MICU1: variants seen among roughly 807,000 people sequenced by gnomAD.
MICU1 encodes the protein calcium uptake protein 1, mitochondrial.
MICU1 carries 45 observed loss-of-function variants against 56.8 expected under a neutral mutation model. The observed-to-expected ratio is 0.79, with a 90% CI of 0.62 to 1.02. The LOEUF (loss-of-function observed/expected upper bound fraction) is 1.02. Ranked by LOEUF, MICU1 falls within the 50% of genes least tolerant of loss-of-function variation. The pLI is 0.00. For synonymous variants in MICU1, 186 were observed against 195.1 expected (o/e 0.95, Z 0.39); for missense variants, 504 against 587.1 (o/e 0.86, Z 1.46).
intron 1 of MICU1, among the ~76,000 whole-genome samples, chr10:72,598,163 G>A (rs1404950515): frequency 6.6e-6 from 1 of 152,096 alleles, no homozygotes; most frequent in African/African-American, 2.4e-5. Context: ...CCTATTTTGT[G>A]TAGAGAATAG....
At chr10:72,429,318 G>C (rs965466042) in intron 8 of MICU1, among the ~76,000 whole-genome samples, 1 of 151,328 alleles carries the variant, frequency 6.6e-6, no homozygotes, top group African/African-American at 2.4e-5. Flanking sequence ...TACTTGGGAG[G>C]CTGAGGCAAG....
Position 72,536,571 on chromosome 10 carries a change from T to G in MICU1, c.494-2782A>C, listed in dbSNP as rs1375316139. Among the ~76,000 whole-genome samples, 3 of 152,160 alleles carry G rather than the reference T, an allele frequency of 2.0e-5. No individual in the cohort carries two copies. In the East Asian group the frequency reaches 5.8e-4, roughly 29 times the overall value. On this transcript the variant is annotated intron_variant, in intron 4 of 11. Transcript: ENST00000361114. Reference sequence around the variant, plus strand: ...TTTCACCGTGTTAGTCAGGATGGTCTTGATCTCCTGACCTCATGATCCGCC... The same window carrying G: ...TTTCACCGTGTTAGTCAGGATGGTCGTGATCTCCTGACCTCATGATCCGCC...
At chr10:72,375,315 G>C (rs1017029073) in intron 11 of MICU1, among the ~76,000 whole-genome samples, 1 of 152,090 alleles carries the variant, frequency 6.6e-6, no homozygotes, top group Non-Finnish European at 1.5e-5. Context: ...CTCTTGAATG[G>C]GCTAAATGAC....
intron 1 of MICU1, among the ~76,000 whole-genome samples, chr10:72,599,618 C>T (rs142184499): frequency 0.017 from 2,594 of 152,248 alleles, 77 homozygotes; most frequent in African/African-American, 0.06. Context: ...GCTAGCAATT[C>T]AGATTTGTTA....
chr10:72,549,191 GTTTTTTT>G lies in MICU1; in HGVS notation c.493+1981_493+1987del, dbSNP rs869232997. Among the ~76,000 whole-genome samples, 7 of 131,544 alleles carry G rather than the reference GTTTTTTT, an allele frequency of 5.3e-5. No homozygotes were observed. The South Asian group carries it at 1.5e-3, about 27-fold the overall frequency. 86.3% of individuals were successfully genotyped at this position (131,544 alleles called of 152,430 possible). On this transcript the variant is annotated intron_variant, in intron 4 of 11. Coordinates refer to ENST00000361114, the MANE Select transcript of MICU1 (RefSeq NM_001195518.2). ...TTGTTTCATGTGTCTGTTTTTTTTGGTTTTTTTTTTTTTTTTTGAAACAGGGTCTGGC... is the reference window on the plus strand; with the variant it reads ...TTGTTTCATGTGTCTGTTTTTTTTGGTTTTTTTTTTGAAACAGGGTCTGGC...
At chr10:72,470,998 C>T (rs1020825095) in intron 8 of MICU1, among the ~76,000 whole-genome samples, 7 of 152,306 alleles carry the variant, frequency 4.6e-5, no homozygotes, top group Middle Eastern at 3.4e-3. Context: ...CATCTCTTTT[C>T]TTCTGCATTT....
At chr10:72,446,134 C>T (rs1865095333) in intron 8 of MICU1, among the ~76,000 whole-genome samples, 1 of 152,006 alleles carries the variant, frequency 6.6e-6, no homozygotes, top group African/African-American at 2.4e-5. Flanking sequence ...AGAAACGCTG[C>T]ACCACCGATG....
At chr10:72,506,490 C>T (rs919800751) in intron 6 of MICU1, among the ~76,000 whole-genome samples, 2 of 152,028 alleles carry the variant, frequency 1.3e-5, no homozygotes, top group Non-Finnish European at 1.5e-5. Context: ...TCCAAAGTCA[C>T]AAAAATGTTT....
intron 1 of MICU1, among the ~76,000 whole-genome samples, chr10:72,571,835 C>A (rs1367191227): frequency 6.6e-6 from 1 of 152,012 alleles, no homozygotes; most frequent in Admixed American, 6.6e-5. Flanking sequence ...GGGAGGATAG[C>A]TTGAGCCCAG....
At chr10:72,516,270 C>T (rs1429109588) in intron 5 of MICU1, among the ~76,000 whole-genome samples, 7 of 152,092 alleles carry the variant, frequency 4.6e-5, no homozygotes, top group Non-Finnish European at 8.8e-5. Flanking sequence ...CGTTCATCTA[C>T]TTTTTGTTGG....
intron 5 of MICU1, among the ~76,000 whole-genome samples, chr10:72,522,271 C>T (rs1422806692): frequency 2.0e-5 from 3 of 152,098 alleles, no homozygotes; most frequent in African/African-American, 7.2e-5. Flanking sequence ...TCTCTGATAG[C>T]AAAGTGATTT....
intron 8 of MICU1, among the ~76,000 whole-genome samples, chr10:72,460,770 T>A (rs561643429): frequency 6.6e-4 from 100 of 152,176 alleles, no homozygotes; most frequent in Non-Finnish European, 1.0e-3. Context: ...TATTTTTTTT[T>A]AAATATTTTT....
At chr10:72,393,435 C>T (rs756767110) in intron 10 of MICU1, among the ~76,000 whole-genome samples, 2 of 152,120 alleles carry the variant, frequency 1.3e-5, no homozygotes, top group African/African-American at 4.8e-5. Flanking sequence ...CAGGCAAGAG[C>T]GCTTGAGGTA....
chr10:72,408,440 C>T (rs1042989962), intron 9 of MICU1, among the ~76,000 whole-genome samples: 6 of 152,146 alleles, frequency 3.9e-5, no homozygotes, highest in African/African-American at 1.4e-4. Context: ...TCCTGAGTAG[C>T]TAGGATTACA....
At chr10:72,383,190 G>A (rs992092916) in intron 10 of MICU1, among the ~76,000 whole-genome samples, 1 of 149,972 alleles carries the variant, frequency 6.7e-6, no homozygotes, top group African/African-American at 2.5e-5. Context: ...AGTCTGCAGT[G>A]AGCTATGACT....
intron 1 of MICU1, among the ~76,000 whole-genome samples, chr10:72,579,123 C>A (rs893830060): frequency 6.6e-6 from 1 of 152,150 alleles, no homozygotes; most frequent in Non-Finnish European, 1.5e-5. Context: ...GTTTAGTAAA[C>A]ATCTTTCCTG....
intron 5 of MICU1, chr10:72,508,775 GC>G (rs1244313312): frequency 6.6e-6 from 1 of 152,554 alleles, no homozygotes; most frequent in Non-Finnish European, 1.5e-5. Flanking sequence ...TTACTTGATA[GC>G]CCCAAGAATC....
intron 3 of MICU1, among the ~76,000 whole-genome samples, chr10:72,554,312 G>A (rs1840106528): frequency 6.6e-6 from 1 of 152,128 alleles, no homozygotes; most frequent in Admixed American, 6.5e-5. Flanking sequence ...TGTTAATACT[G>A]CAAAAGAAAA....
chr10:72,453,957 T>C (rs1451077940), intron 8 of MICU1, among the ~76,000 whole-genome samples: 1 of 152,122 alleles, frequency 6.6e-6, no homozygotes, highest in Non-Finnish European at 1.5e-5. Flanking sequence ...TGCCTCAGCC[T>C]CCTGAGTAGC....
Sources: allele counts gnomAD v4.1 joint callset (sites outside exome capture counted in the v4.1 genomes callset), GRCh38; gene constraint gnomAD v4.1.1; transcripts MANE v1.5; gene names NCBI Gene and HGNC (gene_info 2026-07-23, HGNC 2026-07-21).